ARHGAP12: variants seen among roughly 807,000 people sequenced by gnomAD.
ARHGAP12 encodes the protein Rho GTPase activating protein 12.
ARHGAP12 carries 64 observed loss-of-function variants against 108.6 expected under a neutral mutation model. The ratio of observed to expected loss-of-function variants is 0.59; its 90% CI spans 0.48 to 0.73. The LOEUF is 0.73. ARHGAP12 is among the 30% of genes least tolerant of loss of function. The probability of loss-of-function intolerance (pLI) is 0.00; values close to 1 mark genes in which losing one functional copy is unlikely to be tolerated. For missense variants in ARHGAP12, 940 were observed against 1,005.9 expected, an observed-to-expected ratio of 0.93 and a Z score of 0.89; for synonymous variants, 312 against 337.2, an observed-to-expected ratio of 0.93 and a Z score of 0.82.
chr10:31,885,187 CCAAT>C (rs756385282), intron 3 of ARHGAP12, among the ~76,000 whole-genome samples: 20 of 152,088 alleles, frequency 1.3e-4, no homozygotes, highest in Admixed American at 6.5e-4. Flanking sequence ...GTAAAATTTA[CCAAT>C]CAAACAAGAG....
chr10:31,889,619 G>GGT (rs1838332607), intron 3 of ARHGAP12, among the ~76,000 whole-genome samples: 4 of 66,420 alleles, frequency 6.0e-5, no homozygotes, highest in Non-Finnish European at 1.1e-4. Context: ...AATTTTTCTC[G>GGT]TTTTTTTTTT....
At chr10:31,913,538 G>C (rs1021335196) in intron 1 of ARHGAP12, 7 of 171,156 alleles carry the variant, frequency 4.1e-5, no homozygotes, top group African/African-American at 1.4e-4. Flanking sequence ...AGAGCTGCAG[G>C]TGACAAGCAA....
chr10:31,877,245 C>T (rs11008677), intron 3 of ARHGAP12, among the ~76,000 whole-genome samples: 1,711 of 152,238 alleles, frequency 0.011, 18 homozygotes, highest in Non-Finnish European at 0.016. Flanking sequence ...AAAGTGCTAC[C>T]AGAGGAAGAA....
At chr10:31,885,267 T>C (rs1015898822) in intron 3 of ARHGAP12, among the ~76,000 whole-genome samples, 2 of 152,192 alleles carry the variant, frequency 1.3e-5, no homozygotes, top group African/African-American at 4.8e-5. Flanking sequence ...CTTGACTTCT[T>C]AACCTGGGAA....
At chr10:31,879,898 G>A (rs1837872362) in intron 3 of ARHGAP12, among the ~76,000 whole-genome samples, 1 of 152,166 alleles carries the variant, frequency 6.6e-6, no homozygotes, top group Non-Finnish European at 1.5e-5. Flanking sequence ...GCCATTCTCT[G>A]CAGGTACCTT....
At chr10:31,876,006 TTG>T (rs1285327172) in intron 3 of ARHGAP12, among the ~76,000 whole-genome samples, 1 of 152,208 alleles carries the variant, frequency 6.6e-6, no homozygotes, top group African/African-American at 2.4e-5. Flanking sequence ...TAATATTCCA[TTG>T]TGTGTGTCTG....
At chr10:31,893,390 G>A (rs1243815930) in intron 3 of ARHGAP12, among the ~76,000 whole-genome samples, 8 of 151,824 alleles carry the variant, frequency 5.3e-5, no homozygotes, top group Non-Finnish European at 1.0e-4. Context: ...TCAAATAGAC[G>A]CAATAAAAAA....
intron 1 of ARHGAP12, chr10:31,913,343 A>G (rs545229748): frequency 6.4e-6 from 1 of 155,718 alleles, no homozygotes; most frequent in African/African-American, 2.4e-5. Flanking sequence ...ACCCTGGCCC[A>G]TTATGAAAGA....
chr10:31,895,682 G>A (rs1044237527), intron 3 of ARHGAP12, among the ~76,000 whole-genome samples: 77 of 152,276 alleles, frequency 5.1e-4, no homozygotes, highest in African/African-American at 1.5e-3. Context: ...GCAGTGTGGC[G>A]ATTCCTCAAG....
intron 1 of ARHGAP12, among the ~76,000 whole-genome samples, chr10:31,924,269 A>T (rs1412346887): frequency 6.6e-6 from 1 of 152,248 alleles, no homozygotes; most frequent in Non-Finnish European, 1.5e-5. Context: ...CATAATGGCC[A>T]GAAATTGAAA....
At chr10:31,864,843 C>T (rs1837262535) in intron 3 of ARHGAP12, among the ~76,000 whole-genome samples, 3 of 151,674 alleles carry the variant, frequency 2.0e-5, no homozygotes, top group African/African-American at 7.3e-5. Flanking sequence ...CTTCCAGAAC[C>T]TCGTAACATG....
intron 10 of ARHGAP12, among the ~76,000 whole-genome samples, chr10:31,831,036 T>C (rs1248772770): frequency 2.0e-5 from 3 of 152,226 alleles, no homozygotes; most frequent in Non-Finnish European, 4.4e-5. Flanking sequence ...ATTTATTTTA[T>C]GGGCAGATTT....
At chr10:31,888,814 A>C (rs949528703) in intron 3 of ARHGAP12, among the ~76,000 whole-genome samples, 2 of 152,270 alleles carry the variant, frequency 1.3e-5, no homozygotes, top group East Asian at 1.9e-4. Context: ...AAAAAGGTTA[A>C]GAAAAAGAGA....
chr10:31,822,175 C>T (rs982839765), intron 11 of ARHGAP12, among the ~76,000 whole-genome samples: 1 of 151,930 alleles, frequency 6.6e-6, no homozygotes, highest in Non-Finnish European at 1.5e-5. Context: ...ATCAACCTCC[C>T]CACCAATGTA....
Position 31,904,297 on chromosome 10 carries a change from GA to G in ARHGAP12, c.684+3874del, listed in dbSNP as rs796703460. Among the ~76,000 whole-genome samples, 20 of 152,240 alleles carry G rather than the reference GA, an allele frequency of 1.3e-4. 1 individual carries two copies. Among genetic ancestry groups the G allele is most frequent in the African/African-American group, 4.8e-4 (20 of 41,548 alleles). On this transcript the variant is annotated intron_variant, in intron 3 of 19. Transcript: ENST00000344936. ...TCAGCAACAAAAAGAACAAACTATT[GA>G]TAACACACAGCAGCCTGGATCAATC...
In ARHGAP12 at chr10:31,814,312, C is replaced by A. The variant is rs146542925; in HGVS notation, c.1781G>T (p.Gly594Val). The A allele has an allele frequency of 1.2e-6, 2 of 1,613,912 alleles. No individual in the cohort carries two copies. The highest frequency in any genetic ancestry group is 2.7e-5 in the African/African-American group (2 of 74,892). Residue 594 changes from glycine to valine, a missense_variant, in exon 14 of 20, where the codon GGA (glycine) becomes GTA (valine). Gly to Val is a moderately radical substitution (Grantham distance 109, BLOSUM62 -3). Coordinates refer to ENST00000344936, the MANE Select transcript of ARHGAP12 (RefSeq NM_018287.7). ...GIEEEIPDSPGIEKHDKEKEQ... is the reference protein window; with the variant it reads ...GIEEEIPDSPVIEKHDKEKEQ... Reference sequence around the variant, plus strand: ...CTTTTCTTTATCATGCTTTTCTATTCCTGGTGAATCCGGTATCTCCTCTTC... The same window carrying A: ...CTTTTCTTTATCATGCTTTTCTATTACTGGTGAATCCGGTATCTCCTCTTC...
At chr10:31,827,562 C>G (rs1410591092) in intron 10 of ARHGAP12, among the ~76,000 whole-genome samples, 2 of 152,024 alleles carry the variant, frequency 1.3e-5, no homozygotes, top group Non-Finnish European at 2.9e-5. Flanking sequence ...GAGGCCGAGA[C>G]GGGTGGATCA....
chr10:31,842,851 A>G (rs1486168502), intron 7 of ARHGAP12, among the ~76,000 whole-genome samples: 4 of 152,114 alleles, frequency 2.6e-5, no homozygotes, highest in Non-Finnish European at 5.9e-5. Flanking sequence ...TACACTGTGA[A>G]TAAGTAACCT....
chr10:31,926,484 A>T (rs1336550154), intron 1 of ARHGAP12, among the ~76,000 whole-genome samples: 1 of 152,248 alleles, frequency 6.6e-6, no homozygotes, highest in Non-Finnish European at 1.5e-5. Context: ...CATATTTGCA[A>T]TTCTAGCCAA....
Sources: allele counts gnomAD v4.1 joint callset (sites outside exome capture counted in the v4.1 genomes callset), GRCh38; gene constraint gnomAD v4.1.1; transcripts MANE v1.5; gene names NCBI Gene and HGNC (gene_info 2026-07-23, HGNC 2026-07-21).